The following KCNN2 variants were observed in gnomAD, a reference collection of about 807,000 sequenced individuals.
KCNN2 encodes the protein small conductance calcium-activated potassium channel protein 2.
KCNN2 carries 24 observed loss-of-function variants against 55.5 expected under a neutral mutation model. The observed-to-expected ratio is 0.43, with a 90% CI of 0.31 to 0.61. KCNN2 has a LOEUF of 0.61. Among genes scored for constraint, KCNN2 ranks in the 20% least tolerant of loss-of-function variants. The pLI is 0.08. For missense variants in KCNN2, 754 were observed against 853.6 expected (o/e 0.88, Z 1.45); for synonymous variants, 431 against 336.1 (o/e 1.28, Z -3.09).
chr5:114,079,001 G>A (rs573530012), intron 1 of KCNN2, among the ~76,000 whole-genome samples: 1 of 152,204 alleles, frequency 6.6e-6, no homozygotes, highest in East Asian at 1.9e-4. Flanking sequence ...TCCCTTTGTG[G>A]TGCAGGAGAT....
At chr5:114,414,304 G>C (rs543444854) in intron 3 of KCNN2, among the ~76,000 whole-genome samples, 5 of 152,066 alleles carry the variant, frequency 3.3e-5, no homozygotes, top group Non-Finnish European at 5.9e-5. Flanking sequence ...CATGTTAATG[G>C]ACTTGCTTAC....
intron 7 of KCNN2, among the ~76,000 whole-genome samples, chr5:114,493,748 C>A (rs1747975214): frequency 1.3e-5 from 2 of 152,070 alleles, no homozygotes; most frequent in South Asian, 4.1e-4. Context: ...GAATAGGAGA[C>A]AATACATGCG....
rs571300098 is a variant in KCNN2, at chr5:114,079,572, G to A, written c.-271+23072G>A. On this transcript the variant is annotated intron_variant, in intron 1 of 10. Coordinates refer to the KCNN2 transcript ENST00000512097. ...ATTACTCTAGGATAGATATAATAATGCCTAGTGTATAGGGTCATTCAGGAA... is the reference window on the plus strand; with the variant it reads ...ATTACTCTAGGATAGATATAATAATACCTAGTGTATAGGGTCATTCAGGAA... 7.0e-4 allele frequency among the ~76,000 whole-genome samples: 107 copies of A among 152,228 alleles called. No homozygotes were observed. In the South Asian group the frequency reaches 0.021, roughly 29 times the overall value.
chr5:114,214,319 C>T (rs555673683), intron 1 of KCNN2, among the ~76,000 whole-genome samples: 4 of 151,870 alleles, frequency 2.6e-5, no homozygotes, highest in South Asian at 2.1e-4. Flanking sequence ...AAGTAGATGA[C>T]GGGCTTGATT....
rs562645312 is a variant in KCNN2 at position 114,201,885 on chromosome 5, C to T, written c.-270-19595C>T. On this transcript the variant is annotated intron_variant, in intron 1 of 10. Transcript: ENST00000512097. ...GCAGCCTTGTCAGCCCAATCTCAGA[C>T]TGAGGTCAAGGCACCACTCAGCATT... Among the ~76,000 whole-genome samples, 4 of 151,880 alleles carry T rather than the reference C, an allele frequency of 2.6e-5. No homozygotes were observed. The South Asian group carries it at 8.3e-4, about 32-fold the overall frequency.
chr5:114,416,351 C>T (rs867350021), intron 3 of KCNN2, among the ~76,000 whole-genome samples: 18 of 152,102 alleles, frequency 1.2e-4, no homozygotes, highest in Non-Finnish European at 1.8e-4. Flanking sequence ...TGTCTGACCC[C>T]GTTTTAGGGA....
intron 6 of KCNN2, 102 bp from the exon 7 acceptor site, chr5:114,493,301 A>C: frequency 1.3e-6 from 1 of 796,812 alleles, no homozygotes; most frequent in Non-Finnish European, 2.3e-6. Flanking sequence ...GGCATTATCC[A>C]TGCAGTTATT....
chr5:114,340,875 C>T (rs1401858989), intron 2 of KCNN2, among the ~76,000 whole-genome samples: 1 of 152,206 alleles, frequency 6.6e-6, no homozygotes, highest in Non-Finnish European at 1.5e-5. Context: ...AACTACCATT[C>T]TACTCTTCTG....
chr5:114,346,116 A>G (rs1757100127), intron 2 of KCNN2, among the ~76,000 whole-genome samples: 1 of 152,180 alleles, frequency 6.6e-6, no homozygotes, highest in Non-Finnish European at 1.5e-5. Context: ...GAAGGCAAAG[A>G]CAAGAGCAGG....
intron 1 of KCNN2, among the ~76,000 whole-genome samples, chr5:114,164,193 A>G (rs1474961863): frequency 6.6e-6 from 1 of 152,230 alleles, no homozygotes; most frequent in Non-Finnish European, 1.5e-5. Context: ...TATATTTAGA[A>G]CAAATCCATA....
At chr5:114,195,601 A>G (rs776024887) in intron 1 of KCNN2, among the ~76,000 whole-genome samples, 4 of 151,906 alleles carry the variant, frequency 2.6e-5, no homozygotes, top group Non-Finnish European at 5.9e-5. Flanking sequence ...AGGATTTTCT[A>G]TATACAAAAT....
At chr5:114,232,049 G>C (rs896538966) in intron 2 of KCNN2, among the ~76,000 whole-genome samples, 1 of 150,980 alleles carries the variant, frequency 6.6e-6, no homozygotes, top group African/African-American at 2.5e-5. Context: ...GGCCAGTATT[G>C]ATATTCTCAA....
At chr5:114,344,828 A>G (rs186394062) in intron 2 of KCNN2, among the ~76,000 whole-genome samples, 5 of 152,378 alleles carry the variant, frequency 3.3e-5, no homozygotes, top group Admixed American at 2.0e-4. Flanking sequence ...CTGCCACGGA[A>G]AAATTACAGC....
At chr5:114,360,381 C>T (rs888052744), upstream of KCNN2, among the ~76,000 whole-genome samples, 2 of 152,158 alleles carry the variant, frequency 1.3e-5, no homozygotes, top group African/African-American at 4.8e-5. Context: ...TTGGATCCAG[C>T]TGAGAATTCC....
At chr5:114,145,290 G>T (rs1752375345) in intron 1 of KCNN2, among the ~76,000 whole-genome samples, 1 of 152,194 alleles carries the variant, frequency 6.6e-6, no homozygotes, top group Non-Finnish European at 1.5e-5. Flanking sequence ...ATCAACAATG[G>T]TATAGTGAGA....
chr5:114,108,725 A>G (rs1751536843), intron 1 of KCNN2, among the ~76,000 whole-genome samples: 1 of 152,038 alleles, frequency 6.6e-6, no homozygotes. Flanking sequence ...TTGTTGAGTA[A>G]TATGCCATTG....
intron 2 of KCNN2, among the ~76,000 whole-genome samples, chr5:114,258,249 A>G (rs767740165): frequency 1.3e-5 from 2 of 152,074 alleles, no homozygotes; most frequent in Non-Finnish European, 2.9e-5. Flanking sequence ...GTTTGCTAGC[A>G]TTTTGTTGAG....
chr5:114,212,082 G>C (rs1360658178), intron 1 of KCNN2, among the ~76,000 whole-genome samples: 3 of 151,826 alleles, frequency 2.0e-5, no homozygotes, highest in Non-Finnish European at 4.4e-5. Flanking sequence ...AACTATGTCA[G>C]TCATAATGCC....
intron 1 of KCNN2, among the ~76,000 whole-genome samples, chr5:114,073,223 T>A (rs1750614695): frequency 6.6e-6 from 1 of 152,260 alleles, no homozygotes; most frequent in Admixed American, 6.5e-5. Flanking sequence ...AGATTTAGAC[T>A]GAGGAGTATA....
Sources: gnomAD v4.1 joint callset for allele counts (sites outside exome capture counted in the v4.1 genomes callset) on GRCh38, gnomAD v4.1.1 for gene constraint, MANE v1.5 for transcripts, NCBI Gene and HGNC (gene_info 2026-07-23, HGNC 2026-07-21) for gene names.